Variants in MTCL2 observed in about 807,000 individuals in gnomAD.
MTCL2 encodes the protein microtubule cross-linking factor 2.
At chr20:36,801,296 A>G in the MTCL2 span, among the ~76,000 whole-genome samples, 1 of 152,192 alleles carries the variant, frequency 6.6e-6, no homozygotes, top group African/African-American at 2.4e-5. Context: ...CACTAGGAAC[A>G]CCAGGCACCA....
chr20:36,820,335 A>G, the MTCL2 span, among the ~76,000 whole-genome samples: 1 of 152,220 alleles, frequency 6.6e-6, no homozygotes, highest in Non-Finnish European at 1.5e-5. Context: ...GGGGTCAGGC[A>G]TCACATGTGA....
At chr20:36,785,696 C>T in the MTCL2 span, 1 of 985,122 alleles carries the variant, frequency 1.0e-6, no homozygotes, top group African/African-American at 1.7e-5. Flanking sequence ...GAGACTGACT[C>T]TACCTATTTC....
the MTCL2 span, among the ~76,000 whole-genome samples, chr20:36,832,083 T>C: frequency 1.3e-5 from 2 of 152,202 alleles, no homozygotes; most frequent in Non-Finnish European, 2.9e-5. Flanking sequence ...ACTAAGTGCC[T>C]AATAAATGCT....
chr20:36,860,965 G>A, the MTCL2 span, among the ~76,000 whole-genome samples: 3 of 152,142 alleles, frequency 2.0e-5, no homozygotes, highest in South Asian at 4.1e-4. Flanking sequence ...AACAGTCATG[G>A]GTGCCTCAAA....
the MTCL2 span, among the ~76,000 whole-genome samples, chr20:36,825,173 C>T: frequency 1.6e-4 from 24 of 152,072 alleles, no homozygotes; most frequent in African/African-American, 5.8e-4. Context: ...GAACTCCTGA[C>T]CTCAGGTGAT....
At chr20:36,837,171 C>T in the MTCL2 span, among the ~76,000 whole-genome samples, 563 of 152,282 alleles carry the variant, frequency 3.7e-3, 4 homozygotes, top group Middle Eastern at 6.8e-3. Flanking sequence ...CAGAAGTCAC[C>T]CCTGCAGGAA....
the MTCL2 span, among the ~76,000 whole-genome samples, chr20:36,819,067 G>A: frequency 6.6e-6 from 1 of 152,224 alleles, no homozygotes; most frequent in Non-Finnish European, 1.5e-5. Context: ...TGAAGCTATA[G>A]AGAAACAAAA....
At chr20:36,851,484 A>T in the MTCL2 span, among the ~76,000 whole-genome samples, 1 of 152,134 alleles carries the variant, frequency 6.6e-6, no homozygotes, top group Non-Finnish European at 1.5e-5. Flanking sequence ...CTTGGGTCGT[A>T]GGCAACCAGC....
the MTCL2 span, among the ~76,000 whole-genome samples, chr20:36,792,905 T>C: frequency 1.3e-4 from 20 of 151,496 alleles, no homozygotes; most frequent in African/African-American, 4.4e-4. Flanking sequence ...GACAGATAGA[T>C]AATTTTTTTT....
chr20:36,813,991 CTG>C, the MTCL2 span, among the ~76,000 whole-genome samples: 1 of 152,148 alleles, frequency 6.6e-6, no homozygotes, highest in Non-Finnish European at 1.5e-5. Context: ...GCTGAAAACA[CTG>C]TGTTCCCCCA....
chr20:36,804,723 TG>T, the MTCL2 span: 1 of 1,610,544 alleles, frequency 6.2e-7, no homozygotes, highest in Non-Finnish European at 8.5e-7. Flanking sequence ...GTCTGACAGG[TG>T]GGGGGCTCAC....
the MTCL2 span, chr20:36,797,386 G>A: frequency 8.6e-6 from 9 of 1,046,396 alleles, no homozygotes; most frequent in Non-Finnish European, 1.3e-5. Flanking sequence ...AGCCCAAGGT[G>A]CAAGGGTGTG....
chr20:36,851,875 CCT>C, the MTCL2 span, among the ~76,000 whole-genome samples: 1 of 152,116 alleles, frequency 6.6e-6, no homozygotes, highest in African/African-American at 2.4e-5. Flanking sequence ...GGAGAATCCC[CCT>C]GTTCTACTCC....
At chr20:36,851,768 T>G in the MTCL2 span, among the ~76,000 whole-genome samples, 1 of 152,206 alleles carries the variant, frequency 6.6e-6, no homozygotes, top group Non-Finnish European at 1.5e-5. Flanking sequence ...ACCACCAGGA[T>G]GTGATGTCAG....
the MTCL2 span, chr20:36,862,554 T>C: frequency 8.7e-7 from 1 of 1,145,254 alleles, no homozygotes; most frequent in African/African-American, 1.6e-5. Context: ...GGCCCCTTTC[T>C]CCGGATTGTT....
chr20:36,793,713 C>A, the MTCL2 span: 1 of 1,545,948 alleles, frequency 6.5e-7, no homozygotes, highest in Non-Finnish European at 8.7e-7. The surrounding 1 kb of genome is among the most constrained non-coding windows in gnomAD (Gnocchi z 6.8). Flanking sequence ...AGGCTGCGGT[C>A]CTTGCTGCTG....
At chr20:36,805,867 A>T in the MTCL2 span, 1 of 1,612,074 alleles carries the variant, frequency 6.2e-7, no homozygotes, top group Non-Finnish European at 8.5e-7. Flanking sequence ...TTCTGGGTCC[A>T]GCTGTCCCCC....
At chr20:36,808,752 G>T in the MTCL2 span, 1 of 1,570,160 alleles carries the variant, frequency 6.4e-7, no homozygotes, top group Non-Finnish European at 8.6e-7. Context: ...AGCTGCCGGG[G>T]GACAAGAGCT....
chr20:36,824,716 G>C, the MTCL2 span, among the ~76,000 whole-genome samples: 1 of 151,366 alleles, frequency 6.6e-6, no homozygotes, highest in African/African-American at 2.4e-5. Context: ...ACACTGGCGT[G>C]ATCTTGGCTC....
Sources: gnomAD v4.1 joint callset for allele counts (sites outside exome capture counted in the v4.1 genomes callset) on GRCh38, gnomAD v4.1.1 for gene constraint, Gnocchi (gnomAD v3.1) non-coding constraint, MANE v1.5 for transcripts, NCBI Gene and HGNC (gene_info 2026-07-23, HGNC 2026-07-21) for gene names.